The following RAD51B variants were observed in gnomAD, a reference collection of about 807,000 sequenced individuals.
RAD51B encodes RAD51 paralog B, also known as DNA repair protein RAD51 homolog 2.
In RAD51B, 38 loss-of-function variants were observed where a neutral mutation model predicts 42.2. That is an observed-to-expected ratio of 0.90 (90% CI 0.70 to 1.18). The LOEUF is 1.18. RAD51B is among the 50% of genes most tolerant of loss of function. The pLI is 0.00. For missense variants in RAD51B, 373 were observed against 400.7 expected, an observed-to-expected ratio of 0.93 and a Z score of 0.59; for synonymous variants, 154 against 145.2, an observed-to-expected ratio of 1.06 and a Z score of -0.43.
chr14:68,244,448 G>A (rs951937210), intron 7 of RAD51B, among the ~76,000 whole-genome samples: 1 of 152,218 alleles, frequency 6.6e-6, no homozygotes, highest in Non-Finnish European at 1.5e-5. Context: ...AGAAGATGGA[G>A]CAAACACCCA....
At chr14:67,944,588 C>T (rs182344600) in intron 7 of RAD51B, among the ~76,000 whole-genome samples, 10 of 151,834 alleles carry the variant, frequency 6.6e-5, no homozygotes, top group African/African-American at 1.7e-4. Flanking sequence ...TTGATACTAC[C>T]GTAGTGTGTT....
intron 8 of RAD51B, among the ~76,000 whole-genome samples, chr14:68,393,681 A>C (rs1383736897): frequency 6.6e-6 from 1 of 152,198 alleles, no homozygotes; most frequent in Non-Finnish European, 1.5e-5. Flanking sequence ...ATGCATCTAC[A>C]GTGCAAAACG....
intron 11 of RAD51B, among the ~76,000 whole-genome samples, chr14:68,665,872 C>T (rs1405828082): frequency 6.6e-6 from 1 of 152,176 alleles, no homozygotes; most frequent in Non-Finnish European, 1.5e-5. Flanking sequence ...CAACTTTACC[C>T]CCAACTCAGG....
chr14:67,879,056 A>G, intron 5 of RAD51B, among the ~76,000 whole-genome samples: 1 of 152,218 alleles, frequency 6.6e-6, no homozygotes, highest in East Asian at 1.9e-4. Context: ...TCCATTAGGA[A>G]AATAGAACCA....
rs117084284 is a variant in RAD51B, at chr14:68,323,403, C to T, written c.853+31423C>T. ...TACTGGGCTGAGCCCCCACTTGTGA[C>T]CTCACTGGGCATTGAGTCTGAGGCC... On this transcript the variant is annotated intron_variant, in intron 8 of 10. Coordinates refer to ENST00000471583, the MANE Select transcript of RAD51B (RefSeq NM_133510.4). Among the ~76,000 whole-genome samples the T allele has an allele frequency of 5.2e-4, 79 of 152,322 alleles. No individual in the cohort carries two copies. In the East Asian group the frequency reaches 0.015, roughly 28 times the overall value.
Position 67,820,247 on chromosome 14 carries a change from G to T in RAD51B, c.-3+394G>T, listed in dbSNP as rs150370387. On this transcript the variant is annotated intron_variant, in intron 1 of 10. Transcript: ENST00000471583. ...CGTGGAATCTGGAGTCCGGTCCCTG[G>T]ATTCGAATGCGAGCTTCACACCAAT... Among the ~76,000 whole-genome samples, 766 of 152,242 alleles carry T rather than the reference G, an allele frequency of 5.0e-3. 1 individual carries two copies. The highest frequency in any genetic ancestry group is 8.4e-3 in the Non-Finnish European group (570 of 68,020).
chr14:68,335,212 G>C (rs980116320), intron 8 of RAD51B, among the ~76,000 whole-genome samples: 1 of 147,098 alleles, frequency 6.8e-6, no homozygotes, highest in Non-Finnish European at 1.5e-5. Flanking sequence ...CAGGAGTATC[G>C]CTTGAACCCA....
At chr14:68,102,448 AG>A (rs1345517877) in intron 7 of RAD51B, among the ~76,000 whole-genome samples, 4 of 152,274 alleles carry the variant, frequency 2.6e-5, no homozygotes, top group Middle Eastern at 3.4e-3. Flanking sequence ...TCTCTAGGGC[AG>A]GGGCAAAATT....
chr14:67,947,949 G>A (rs1168142559), intron 7 of RAD51B, among the ~76,000 whole-genome samples: 1 of 152,088 alleles, frequency 6.6e-6, no homozygotes, highest in Non-Finnish European at 1.5e-5. Context: ...TCTTGAGTCA[G>A]CAAAACATTT....
At chr14:68,394,302 G>T (rs578253822) in intron 8 of RAD51B, among the ~76,000 whole-genome samples, 1 of 152,150 alleles carries the variant, frequency 6.6e-6, no homozygotes, top group South Asian at 2.1e-4. Flanking sequence ...CAGGAAGGAC[G>T]GGCTCGCCAG....
At chr14:68,328,703 A>C in intron 8 of RAD51B, among the ~76,000 whole-genome samples, 1 of 152,004 alleles carries the variant, frequency 6.6e-6, no homozygotes, top group Non-Finnish European at 1.5e-5. Flanking sequence ...TTGGTTTAGA[A>C]ATGAATATGT....
intron 10 of RAD51B, among the ~76,000 whole-genome samples, chr14:68,537,456 G>A (rs1045767864): frequency 1.0e-4 from 15 of 149,904 alleles, no homozygotes; most frequent in South Asian, 6.4e-4. Flanking sequence ...CCGAGATCGC[G>A]CCACTGTACT....
chr14:68,061,924 C>T (rs1445182638), intron 7 of RAD51B, among the ~76,000 whole-genome samples: 2 of 152,144 alleles, frequency 1.3e-5, no homozygotes, highest in Non-Finnish European at 2.9e-5. Context: ...CTAGGACTTC[C>T]GGTACTAAAT....
At chr14:68,538,012 C>T (rs1672107166) in intron 10 of RAD51B, among the ~76,000 whole-genome samples, 2 of 152,168 alleles carry the variant, frequency 1.3e-5, no homozygotes, top group African/African-American at 4.8e-5. Flanking sequence ...AGTCAGCGAT[C>T]TCAAACTGGG....
At chr14:67,923,048 A>T (rs1028688554) in intron 7 of RAD51B, among the ~76,000 whole-genome samples, 1 of 152,036 alleles carries the variant, frequency 6.6e-6, no homozygotes, top group Admixed American at 6.6e-5. Context: ...AAGTCCCCAC[A>T]GTTCATTTTA....
chr14:68,562,444 A>T (rs1299479760), intron 10 of RAD51B: 4 of 982,548 alleles, frequency 4.1e-6, no homozygotes, highest in South Asian at 4.7e-5. Flanking sequence ...TGCCTTTGCC[A>T]TGTCAGCTGT....
chr14:68,490,859 G>A lies in RAD51B; in HGVS notation c.1036+22609G>A, dbSNP rs1381350979. Among the ~76,000 whole-genome samples the A allele has an allele frequency of 2.6e-5, 4 of 152,138 alleles. No individual in the cohort carries two copies. The East Asian group carries it at 7.7e-4, about 29-fold the overall frequency. On this transcript the variant is annotated intron_variant, in intron 10 of 10. Coordinates refer to the RAD51B transcript ENST00000487270. ...AGAGAGAAAGATGGACCTTGGAGAG[G>A]CCAAGGGGAGAGCGGGGAGTTAGAA...
intron 8 of RAD51B, among the ~76,000 whole-genome samples, chr14:68,381,472 G>A (rs1236766098): frequency 2.0e-5 from 3 of 151,994 alleles, no homozygotes; most frequent in African/African-American, 4.8e-5. Context: ...TCAGGAGATC[G>A]AGACCATCCT....
At chr14:67,830,592 G>A (rs1158418789) in intron 3 of RAD51B, among the ~76,000 whole-genome samples, 3 of 152,042 alleles carry the variant, frequency 2.0e-5, no homozygotes, top group East Asian at 3.9e-4. Context: ...AGTAGAGATG[G>A]GGTTTTGCCA....
Sources: gnomAD v4.1 joint callset for allele counts (sites outside exome capture counted in the v4.1 genomes callset) on GRCh38, gnomAD v4.1.1 for gene constraint, MANE v1.5 for transcripts, NCBI Gene and HGNC (gene_info 2026-07-23, HGNC 2026-07-21) for gene names.